ADAM28: variants seen among roughly 807,000 people sequenced by gnomAD.
The protein encoded by ADAM28 is ADAM metallopeptidase domain 28.
A neutral mutation model predicts 101.2 loss-of-function variants in ADAM28; 105 were observed. That is an observed-to-expected ratio of 1.04 (90% CI 0.89 to 1.22). The LOEUF (loss-of-function observed/expected upper bound fraction) is 1.22, where lower values mean the gene tolerates loss of function less well. ADAM28 is among the 50% of genes most tolerant of loss of function. The pLI is 0.00. For missense variants in ADAM28, 1,028 were observed against 945.4 expected (o/e 1.09, Z -1.15); for synonymous variants, 322 against 310.6 (o/e 1.04, Z -0.39).
At chr8:24,323,215 G>C (rs944374850) in intron 8 of ADAM28, among the ~76,000 whole-genome samples, 1 of 151,714 alleles carries the variant, frequency 6.6e-6, no homozygotes, top group East Asian at 1.9e-4. Context: ...TCTCTTTAAG[G>C]GCACTAATCT....
At chr8:24,304,006 CAAT>C (rs1809198916) in intron 2 of ADAM28, among the ~76,000 whole-genome samples, 1 of 151,640 alleles carries the variant, frequency 6.6e-6, no homozygotes, top group Admixed American at 6.6e-5. Context: ...TCACAGTAAA[CAAT>C]GCTTCCAAGA....
intron 10 of ADAM28, among the ~76,000 whole-genome samples, chr8:24,329,322 G>A (rs1377171350): frequency 1.3e-5 from 2 of 152,132 alleles, no homozygotes; most frequent in Admixed American, 1.3e-4. Context: ...GTAGGTGGAT[G>A]TTACTGGCAG....
chr8:24,344,948 G>A lies in ADAM28; in HGVS notation c.1990+1364G>A, dbSNP rs558028297. 7.9e-5 allele frequency among the ~76,000 whole-genome samples: 12 copies of A among 151,426 alleles called. No homozygotes were observed. In the South Asian group the frequency reaches 2.5e-3, roughly 32 times the overall value. ...AATATTCTATATCATAGCATGCATAGCAGGTTTGATTGAATTTGATTTTTT... is the reference window on the plus strand; with the variant it reads ...AATATTCTATATCATAGCATGCATAACAGGTTTGATTGAATTTGATTTTTT... On this transcript the variant is annotated intron_variant, in intron 18 of 22. Coordinates refer to ENST00000265769, the MANE Select transcript of ADAM28 (RefSeq NM_014265.6).
At chr8:24,335,979 T>C (rs1206145746) in intron 14 of ADAM28, 10 of 1,051,852 alleles carry the variant, frequency 9.5e-6, no homozygotes, top group Non-Finnish European at 1.1e-5. Flanking sequence ...TGGGTGTCTT[T>C]TTCTTTTCAT....
At chr8:24,353,083 A>G (rs572129514) in intron 21 of ADAM28, among the ~76,000 whole-genome samples, 2 of 152,284 alleles carry the variant, frequency 1.3e-5, no homozygotes, top group South Asian at 2.1e-4. Context: ...CTGTCTATAA[A>G]TTAGTATGGA....
At position 24,350,160 on chromosome 8, in the gene ADAM28, A is replaced by G. The variant is rs144501654; in HGVS notation, c.2099+188A>G. 8.9e-4 allele frequency among the ~76,000 whole-genome samples: 135 copies of G among 152,286 alleles called. 1 individual carries two copies. Among genetic ancestry groups the G allele is most frequent in the African/African-American group, 2.9e-3 (119 of 41,566 alleles). On this transcript the variant is annotated intron_variant, in intron 19 of 22. Coordinates refer to ENST00000265769, the MANE Select transcript of ADAM28 (RefSeq NM_014265.6). ...ACTGAGAAATCCTTCACATCTAGAA[A>G]TGTTTTTTGTTTTTCCTTCTGTTAG...
chr8:24,348,761 C>T (rs1815719528), intron 18 of ADAM28, among the ~76,000 whole-genome samples: 1 of 152,142 alleles, frequency 6.6e-6, no homozygotes, highest in South Asian at 2.1e-4. Context: ...GTTATACTTC[C>T]ATCTGTCCTG....
chr8:24,338,657 G>T (rs552203370), intron 14 of ADAM28, among the ~76,000 whole-genome samples: 1 of 152,140 alleles, frequency 6.6e-6, no homozygotes, highest in African/African-American at 2.4e-5. Context: ...AAACAATGCC[G>T]TATCTTCATA....
In ADAM28 at chr8:24,331,316, G is replaced by A; in HGVS notation, c.1270G>A (p.Gly424Arg). 6.2e-7 allele frequency: 1 copy of A among 1,606,096 alleles called. No homozygotes were observed. The highest frequency in any genetic ancestry group is 1.1e-5 in the South Asian group (1 of 88,972). ...GGAAATGGGAGAGGACTGTGATTGT[G>A]GGACATCTGAGGTATGGCCAATCAC... ...LVEMGEDCDC[G>R]TSEECTNICC... Residue 424 changes from glycine (G) to arginine (R), a missense_variant, in exon 12 of 23, where the codon GGG (glycine) becomes AGG (arginine). Coordinates refer to ENST00000265769, the MANE Select transcript of ADAM28 (RefSeq NM_014265.6).
chr8:24,345,298 TTTTCTGG>T (rs1815276875), intron 18 of ADAM28, among the ~76,000 whole-genome samples: 1 of 152,024 alleles, frequency 6.6e-6, no homozygotes, highest in South Asian at 2.1e-4. Flanking sequence ...TTTCTTTCAG[TTTTCTGG>T]TTTCTGATTT....
chr8:24,296,986 A>C (rs1298544724), intron 1 of ADAM28, among the ~76,000 whole-genome samples: 1 of 152,180 alleles, frequency 6.6e-6, no homozygotes, highest in Non-Finnish European at 1.5e-5. Flanking sequence ...TCCAGATCCC[A>C]TTATTTCAGG....
rs1813170736 is a variant in ADAM28, at chr8:24,330,096, G to A, written c.1084G>A (p.Val362Met). 2 of 1,613,378 alleles carry A rather than the reference G, an allele frequency of 1.2e-6. No homozygotes were observed. The highest frequency in any genetic ancestry group is 3.3e-5 in the Admixed American group (2 of 59,924). Residue 362 changes from valine to methionine, a missense_variant, in exon 11 of 23, where the codon GTG (valine) becomes ATG (methionine). By Grantham distance (21) the Val-to-Met change is conservative. Coordinates refer to ENST00000265769, the MANE Select transcript of ADAM28 (RefSeq NM_014265.6). ...YSCKCPSTIC[V>M]MDKALSFYIP... The stretch of plus-strand genomic sequence containing the variant: ...TTGCAAGTGTCCTTCTACAATATGT[G>A]TGATGGACAAAGCACTGAGGTGAGG...
At position 24,357,996 on chromosome 8, in the gene ADAM28, C is replaced by T. The variant is rs959629839; in HGVS notation, c.*3592C>T. 1 of 141,060 alleles carries T rather than the reference C, an allele frequency of 7.1e-6. No homozygotes were observed. The highest frequency in any genetic ancestry group is 1.7e-5 in the Non-Finnish European group (1 of 60,586). 8.7% of individuals were successfully genotyped at this position (141,060 alleles called of 1,614,324 possible). A position where few individuals can be genotyped will look rare whatever the true frequency, so the allele number is the denominator to read the frequency against. The stretch of plus-strand genomic sequence containing the variant: ...CTAATTTCAAAATTTATAGTTGTTT[C>T]TCTTGTTTACTTATATAGTTGTTTC... On this transcript the variant is annotated 3_prime_UTR_variant, in exon 23 of 23. Transcript: ENST00000265769.
chr8:24,313,437 C>A lies in ADAM28; in HGVS notation c.433C>A (p.Pro145Thr). 6.2e-7 allele frequency: 1 copy of A among 1,613,454 alleles called. No homozygotes were observed. Among genetic ancestry groups the A allele is most frequent in the Non-Finnish European group, 8.5e-7 (1 of 1,179,696 alleles). Residue 145 changes from proline to threonine, a missense_variant, in exon 6 of 23, where the codon CCC (proline) becomes ACC (threonine). Physicochemically the swap from Pro to Thr is conservative, Grantham distance 38 (BLOSUM62 -1). Coordinates refer to ENST00000265769, the MANE Select transcript of ADAM28 (RefSeq NM_014265.6). ...DQRYFIEPLS[P>T]IHRDGQEHAL... The stretch of plus-strand genomic sequence containing the variant: ...AAGATACTTTATTGAACCTTTAAGC[C>A]CCATACATCGGGATGGACAGGAGCA...
In ADAM28 at chr8:24,326,617, T is replaced by C. The variant is rs370478582; in HGVS notation, c.954T>C (p.Tyr318=). 2.5e-6 allele frequency: 4 copies of C among 1,611,966 alleles called. No individual in the cohort carries two copies. Among genetic ancestry groups the C allele is most frequent in the Non-Finnish European group, 2.5e-6 (3 of 1,178,660 alleles). The part of the protein sequence containing the change: ...LAFMSTMCSP[Y]SVGVVQDHSD... ...TTATGTCTACAATGTGTTCTCCTTA[T>C]TCTGTTGGCGTTGTTCAGGTCTGTA... Residue 318 remains tyrosine, a synonymous_variant, in exon 10 of 23, where the codon TAT becomes TAC. Transcript: ENST00000265769.
intron 1 of ADAM28, among the ~76,000 whole-genome samples, 187 bp downstream of exon 1, chr8:24,294,382 T>C (rs1345734425): frequency 6.6e-6 from 1 of 152,176 alleles, no homozygotes; most frequent in East Asian, 1.9e-4. Flanking sequence ...AAGACAATGT[T>C]AAAAAGAGGC....
intron 11 of ADAM28, 145 bp from the exon 12 acceptor site, chr8:24,331,005 A>G (rs1221461895): frequency 1.4e-6 from 1 of 714,788 alleles, no homozygotes; most frequent in African/African-American, 1.8e-5. Flanking sequence ...GGGCATGCAA[A>G]TGAGCTCACG....
At chr8:24,336,845 A>G (rs1435183398) in intron 14 of ADAM28, among the ~76,000 whole-genome samples, 1 of 152,116 alleles carries the variant, frequency 6.6e-6, no homozygotes, top group African/African-American at 2.4e-5. Context: ...TATGATGTAC[A>G]TGTATTTAAT....
intron 15 of ADAM28, 185 bp from the exon 16 acceptor site, chr8:24,341,413 A>C: frequency 1.7e-6 from 1 of 596,618 alleles, no homozygotes; most frequent in East Asian, 3.0e-5. Context: ...TGTTTATTTG[A>C]GCAATAATAT....
Sources: gnomAD v4.1 joint callset for allele counts (sites outside exome capture counted in the v4.1 genomes callset) on GRCh38, gnomAD v4.1.1 for gene constraint, MANE v1.5 for transcripts, NCBI Gene and HGNC (gene_info 2026-07-23, HGNC 2026-07-21) for gene names.